ARHGAP28: variants seen among roughly 807,000 people sequenced by gnomAD.
The protein encoded by ARHGAP28 is rho GTPase-activating protein 28.
Under a neutral mutation model 90.7 loss-of-function variants are expected in ARHGAP28, and 56 were observed. The observed-to-expected ratio is 0.62, with a 90% CI of 0.50 to 0.77. The LOEUF (loss-of-function observed/expected upper bound fraction) is 0.77, where lower values mean the gene tolerates loss of function less well. Among genes scored for constraint, ARHGAP28 ranks in the 30% least tolerant of loss-of-function variants. ARHGAP28 has a pLI of 0.00. For synonymous variants in ARHGAP28, 308 were observed against 323.3 expected (o/e 0.95, Z 0.51); for missense variants, 869 against 900.9 (o/e 0.96, Z 0.45).
At chr18:6,892,217 C>T (rs939325357) in intron 14 of ARHGAP28, among the ~76,000 whole-genome samples, 6 of 152,286 alleles carry the variant, frequency 3.9e-5, no homozygotes, top group East Asian at 1.9e-4. Flanking sequence ...GCAACCATCT[C>T]GGCTCACTGC....
intron 3 of ARHGAP28, 66 bp from the exon 4 acceptor site, chr18:6,850,968 T>A (rs2056905692): frequency 6.3e-7 from 1 of 1,593,744 alleles, no homozygotes; most frequent in African/African-American, 1.4e-5. Context: ...GTAATGCATG[T>A]GTGAATACGC....
chr18:6,748,061 C>G (rs1381227950), intron 1 of ARHGAP28, among the ~76,000 whole-genome samples: 1 of 152,220 alleles, frequency 6.6e-6, no homozygotes, highest in African/African-American at 2.4e-5. Flanking sequence ...ACCTGGTCAT[C>G]TGCATTCAAG....
intron 16 of ARHGAP28, among the ~76,000 whole-genome samples, chr18:6,905,214 C>T (rs997751131): frequency 1.2e-4 from 18 of 151,864 alleles, no homozygotes; most frequent in Non-Finnish European, 1.5e-5. Flanking sequence ...AAGAATCGTA[C>T]ACCATAAACC....
At chr18:6,815,675 GCACACACATACA>G (rs2056585521) in intron 1 of ARHGAP28, among the ~76,000 whole-genome samples, 1 of 152,036 alleles carries the variant, frequency 6.6e-6, no homozygotes, top group African/African-American at 2.4e-5. Flanking sequence ...CATATATAAA[GCACACACATACA>G]CACACACATA....
intron 2 of ARHGAP28, among the ~76,000 whole-genome samples, chr18:6,827,222 G>A (rs62082809): frequency 0.62 from 93,437 of 151,632 alleles, 30,493 homozygotes; most frequent in South Asian, 0.73. Context: ...CAGACAGGGT[G>A]GTGGCCGGGC....
At chr18:6,832,644 A>G (rs966573693) in intron 2 of ARHGAP28, among the ~76,000 whole-genome samples, 10 of 152,058 alleles carry the variant, frequency 6.6e-5, no homozygotes, top group Non-Finnish European at 1.5e-4. Flanking sequence ...ATCATTATAA[A>G]TGAGCTTCCT....
chr18:6,808,931 G>T (rs1390356032), intron 1 of ARHGAP28, among the ~76,000 whole-genome samples: 1 of 152,164 alleles, frequency 6.6e-6, no homozygotes, highest in Non-Finnish European at 1.5e-5. Context: ...GAGTCAAGGG[G>T]ACCCCCATGC....
At chr18:6,741,675 CT>C (rs1306759519) in intron 1 of ARHGAP28, among the ~76,000 whole-genome samples, 1 of 152,158 alleles carries the variant, frequency 6.6e-6, no homozygotes, top group African/African-American at 2.4e-5. Flanking sequence ...CAAGGAAGTG[CT>C]TTGCCATTTA....
rs544101511 is a variant in ARHGAP28 at position 6,827,446 on chromosome 18, G to A, written c.325+2482G>A. ...CCCCCACCTCCCTCCCGGACGGGGC[G>A]GCTGGCCGGGCAGAGGGGCTCCTCA... On this transcript the variant is annotated intron_variant, in intron 2 of 17. Transcript: ENST00000383472. Among the ~76,000 whole-genome samples, 232 of 136,916 alleles carry A rather than the reference G, an allele frequency of 1.7e-3. 2 individuals are homozygous for A. Among genetic ancestry groups the A allele is most frequent in the African/African-American group, 6.0e-3 (217 of 36,230 alleles). 89.8% of individuals were successfully genotyped at this position (136,916 alleles called of 152,430 possible).
At chr18:6,849,264 A>G (rs2056890800) in intron 3 of ARHGAP28, among the ~76,000 whole-genome samples, 1 of 151,492 alleles carries the variant, frequency 6.6e-6, no homozygotes, top group South Asian at 2.1e-4. Context: ...AAAAAAAAAA[A>G]AAAAAAAAAA....
rs780321987 is a variant in ARHGAP28 at position 6,729,809 on chromosome 18, T to C, written c.-13T>C. 160 of 1,399,760 alleles carry C rather than the reference T, an allele frequency of 1.1e-4. No homozygotes were observed. Among genetic ancestry groups the C allele is most frequent in the South Asian group, 9.4e-5 (6 of 63,978 alleles). The allele number at this position is 1,399,760 out of a possible 1,614,324, so 86.7% of individuals were successfully genotyped here. A position where few individuals can be genotyped will look rare whatever the true frequency, so the allele number is the denominator to read the frequency against. Reference sequence around the variant, plus strand: ...TTGTTCTGGGGCCGGCGCCGAGACATGCGCGGCTGACGATGGAGGTGGAGG... The same window carrying C: ...TTGTTCTGGGGCCGGCGCCGAGACACGCGCGGCTGACGATGGAGGTGGAGG... On this transcript the variant is annotated 5_prime_UTR_variant, in exon 1 of 18. It removes an upstream start codon present in the reference 5' UTR. Transcript: ENST00000383472.
chr18:6,872,627 C>A (rs2057099002), intron 7 of ARHGAP28, among the ~76,000 whole-genome samples: 1 of 151,782 alleles, frequency 6.6e-6, no homozygotes, highest in Non-Finnish European at 1.5e-5. Context: ...GCAAAGTGAA[C>A]CTGTGGATAT....
At chr18:6,786,359 A>G (rs947279494) in intron 1 of ARHGAP28, among the ~76,000 whole-genome samples, 4 of 152,160 alleles carry the variant, frequency 2.6e-5, no homozygotes, top group African/African-American at 4.8e-5. Context: ...TTTCCTAACT[A>G]TGCCAGTCCC....
intron 1 of ARHGAP28, among the ~76,000 whole-genome samples, chr18:6,801,678 A>C (rs750566104): frequency 6.6e-6 from 1 of 152,162 alleles, no homozygotes; most frequent in African/African-American, 2.4e-5. Flanking sequence ...AAGATAATTT[A>C]ATACATTGAT....
intron 1 of ARHGAP28, among the ~76,000 whole-genome samples, chr18:6,748,404 A>G (rs1600148405): frequency 1.3e-5 from 2 of 152,310 alleles, no homozygotes; most frequent in East Asian, 3.9e-4. Flanking sequence ...CAAGTTCAGT[A>G]TAAAAATAGC....
chr18:6,859,641 G>A (rs1600255548), intron 4 of ARHGAP28, among the ~76,000 whole-genome samples, 167 bp from the exon 5 acceptor site: 1 of 152,272 alleles, frequency 6.6e-6, no homozygotes, highest in East Asian at 1.9e-4. Context: ...GCACCTACGT[G>A]GCACATAATA....
At chr18:6,813,003 TG>T (rs1347987177) in intron 1 of ARHGAP28, among the ~76,000 whole-genome samples, 1 of 152,166 alleles carries the variant, frequency 6.6e-6, no homozygotes, top group East Asian at 1.9e-4. Flanking sequence ...CTGGAGAGGG[TG>T]AGGTAGAGAA....
At chr18:6,856,400 A>G (rs1488101411) in intron 4 of ARHGAP28, among the ~76,000 whole-genome samples, 1 of 152,164 alleles carries the variant, frequency 6.6e-6, no homozygotes, top group Non-Finnish European at 1.5e-5. Flanking sequence ...TAAGAATTAC[A>G]TTTTTTTAGG....
At chr18:6,775,125 T>G (rs1192673890) in intron 1 of ARHGAP28, among the ~76,000 whole-genome samples, 2 of 152,244 alleles carry the variant, frequency 1.3e-5, no homozygotes, top group African/African-American at 4.8e-5. Flanking sequence ...TACATACAGC[T>G]ACCTTGTCAA....
Sources: gnomAD v4.1 joint callset for allele counts (sites outside exome capture counted in the v4.1 genomes callset) on GRCh38, gnomAD v4.1.1 for gene constraint, MANE v1.5 for transcripts, NCBI Gene and HGNC (gene_info 2026-07-23, HGNC 2026-07-21) for gene names.